The following SMG6 variants were observed in gnomAD, a reference collection of about 807,000 sequenced individuals.
SMG6 encodes SMG6 nonsense mediated mRNA decay factor.
In SMG6, 66 loss-of-function variants were observed where a neutral mutation model predicts 142.2. That is an observed-to-expected ratio of 0.46 (90% confidence interval 0.38 to 0.57). The LOEUF (loss-of-function observed/expected upper bound fraction) is 0.57. Ranked by LOEUF, SMG6 falls within the 20% of genes least tolerant of loss-of-function variation. The probability of loss-of-function intolerance (pLI) is 0.00; values close to 1 mark genes in which losing one functional copy is unlikely to be tolerated. For synonymous variants in SMG6, 779 were observed against 702.4 expected, an observed-to-expected ratio of 1.11 and a Z score of -1.72; for missense variants, 1,793 against 1,832.0, an observed-to-expected ratio of 0.98 and a Z score of 0.39.
chr17:2,183,335 G>C (rs2071865589), intron 12 of SMG6, among the ~76,000 whole-genome samples: 2 of 152,058 alleles, frequency 1.3e-5, no homozygotes, highest in South Asian at 2.1e-4. Flanking sequence ...GATGAATAGT[G>C]AACAGGGCTG....
In SMG6 at chr17:2,300,579, C is replaced by T. The variant is rs762565331; in HGVS notation, c.174G>A (p.Arg58=). 6 of 1,613,880 alleles carry T rather than the reference C, an allele frequency of 3.7e-6. No homozygotes were observed. The African/African-American group carries it at 6.7e-5, about 18-fold the overall frequency. ...DLEIYKPGLS[R]LRNKPKIKEP... ...CCTTGATTTTGGGCTTGTTCCTTAG[C>T]CGAGAAAGGCCAGGCTTATAGATTT... is the stretch of plus-strand genomic sequence containing the variant. Residue 58 remains arginine (R), a synonymous_variant, in exon 2 of 19, where the codon CGG becomes CGA. Coordinates refer to ENST00000263073, the MANE Select transcript of SMG6 (RefSeq NM_017575.5).
chr17:2,084,156 C>A (rs1404383454), intron 14 of SMG6, among the ~76,000 whole-genome samples: 1 of 152,226 alleles, frequency 6.6e-6, no homozygotes, highest in Non-Finnish European at 1.5e-5. Context: ...GGCCACAGGG[C>A]ATCTTTGGGC....
chr17:2,075,192 T>C (rs778133274), intron 15 of SMG6, among the ~76,000 whole-genome samples: 7 of 151,896 alleles, frequency 4.6e-5, no homozygotes, highest in Non-Finnish European at 1.0e-4. Context: ...GCTCTGTGTA[T>C]ACCCCATTGT....
chr17:2,229,995 G>A (rs971462672), intron 10 of SMG6, among the ~76,000 whole-genome samples: 8 of 151,818 alleles, frequency 5.3e-5, no homozygotes, highest in African/African-American at 1.9e-4. Flanking sequence ...AGACCAGCCT[G>A]GCCAATGTGG....
chr17:2,201,149 C>T (rs1367169997), intron 10 of SMG6, among the ~76,000 whole-genome samples: 3 of 152,082 alleles, frequency 2.0e-5, no homozygotes, highest in Middle Eastern at 3.2e-3. Context: ...ACAAAGGACT[C>T]AGAACTGAGG....
At chr17:2,290,648 T>C (rs1234364248) in intron 6 of SMG6, among the ~76,000 whole-genome samples, 2 of 152,176 alleles carry the variant, frequency 1.3e-5, no homozygotes, top group African/African-American at 4.8e-5. Context: ...CAAAAGACAC[T>C]GCTGAAGAAT....
rs554027591 is a variant in SMG6 at position 2,270,925 on chromosome 17, T to C, written c.2661+11722A>G. 1.0e-3 allele frequency among the ~76,000 whole-genome samples: 157 copies of C among 152,290 alleles called. 1 individual carries two copies. The highest frequency in any genetic ancestry group is 1.9e-3 in the Non-Finnish European group (132 of 68,012). ...CATTTCTTGAACTCTCTATGCTCTA[T>C]TCATGTGGCTTGAGAAGTTTCTCTC... On this transcript the variant is annotated intron_variant, in intron 8 of 18. Coordinates refer to ENST00000263073, the MANE Select transcript of SMG6 (RefSeq NM_017575.5).
rs775769481 is a variant in SMG6, at chr17:2,292,583, TA to T, written c.2305del (p.Tyr769IlefsTer25). 3.1e-6 allele frequency: 5 copies of T among 1,614,226 alleles called. No individual in the cohort carries two copies. The highest frequency in any genetic ancestry group is 4.2e-6 in the Non-Finnish European group (5 of 1,180,034). ...QHIAPKNGRP[Y>X]NQLALLAVYT... ...CACTGCCAGCAAAGCCAACTGGTTA[TA>T]GGGGCGCCCATTCTTGGGAGCAATG... On this transcript the variant is annotated frameshift_variant, in exon 6 of 19. Transcript: ENST00000263073. LOFTEE classifies it high-confidence loss of function.
chr17:2,063,146 A>C (rs1385565269), intron 18 of SMG6: 3 of 152,198 alleles, frequency 2.0e-5, no homozygotes, highest in Admixed American at 6.5e-5. Flanking sequence ...CCCAGGCCTT[A>C]GGTCAGCTAA....
chr17:2,275,916 C>A (rs2074638146), intron 8 of SMG6, among the ~76,000 whole-genome samples: 1 of 152,138 alleles, frequency 6.6e-6, no homozygotes, highest in Non-Finnish European at 1.5e-5. Flanking sequence ...CCTCCTGCAA[C>A]CATTCAGAGA....
rs899377060 is a variant in SMG6 at position 2,085,198 on chromosome 17, T to C, written c.3534+527A>G. On this transcript the variant is annotated intron_variant, in intron 14 of 18. Transcript: ENST00000263073. This position sits in a 1 kb window ranked among gnomAD's most constrained non-coding sequence, Gnocchi z 4.1. Reference sequence around the variant, plus strand: ...CACGAGTCTGGAGTGAAGCAAGGGCTACAGGAACAACCAAGGGCAAACAAA... The same window carrying C: ...CACGAGTCTGGAGTGAAGCAAGGGCCACAGGAACAACCAAGGGCAAACAAA... 7.0e-6 allele frequency among the ~76,000 whole-genome samples: 1 copy of C among 143,292 alleles called. No homozygotes were observed. Among genetic ancestry groups the C allele is most frequent in the Non-Finnish European group, 1.5e-5 (1 of 66,660 alleles). 94.0% of individuals were successfully genotyped at this position (143,292 alleles called of 152,430 possible).
At chr17:2,238,576 T>C (rs1280911772) in intron 9 of SMG6, among the ~76,000 whole-genome samples, 1 of 152,208 alleles carries the variant, frequency 6.6e-6, no homozygotes, top group Non-Finnish European at 1.5e-5. Flanking sequence ...TTCACTCTGC[T>C]TGAAAAGCAG....
chr17:2,132,209 T>G (rs2070145589), intron 13 of SMG6, among the ~76,000 whole-genome samples: 1 of 152,202 alleles, frequency 6.6e-6, no homozygotes, highest in Non-Finnish European at 1.5e-5. Flanking sequence ...ACTTCTTTGC[T>G]CTGTATCCCC....
rs946035103 is a variant in SMG6, at chr17:2,236,840, GT to G, written c.2724-204del. The G allele has an allele frequency of 1.4e-5, 18 of 1,286,076 alleles. No homozygotes were observed. The Admixed American group carries it at 5.3e-4, about 38-fold the overall frequency. 79.7% of individuals were successfully genotyped at this position (1,286,076 alleles called of 1,614,324 possible). A position where few individuals can be genotyped will look rare whatever the true frequency, so the allele number is the denominator to read the frequency against. On this transcript the variant is annotated intron_variant, in intron 9 of 18. Transcript: ENST00000263073. ...TTTTGAACAAATTCAAGATAAAGGA[GT>G]TTTCAGGGTCCAGAGATGCAAACAA...
At chr17:2,292,500 T>C (rs1183389952) in intron 6 of SMG6, 52 bp downstream of exon 6, 4 of 1,549,504 alleles carry the variant, frequency 2.6e-6, no homozygotes, top group Non-Finnish European at 3.6e-6. Flanking sequence ...AAACTCCATA[T>C]TGTAAGATAC....
intron 13 of SMG6, among the ~76,000 whole-genome samples, chr17:2,157,551 A>T (rs1273429130): frequency 6.6e-6 from 1 of 152,206 alleles, no homozygotes; most frequent in Non-Finnish European, 1.5e-5. Flanking sequence ...CTTACTAAGT[A>T]CCACCCAACA....
At chr17:2,075,546 GGGCCAGGGCCAGCATGAGGTGCCAAGA>G (rs2068234382) in intron 15 of SMG6, among the ~76,000 whole-genome samples, 1 of 152,226 alleles carries the variant, frequency 6.6e-6, no homozygotes, top group Non-Finnish European at 1.5e-5. Context: ...GGGATTCACA[GGGCCAGGGCCAGCATGAGGTGCCAAGA>G]GGCCACGCCT....
chr17:2,295,903 C>T (rs2075133106), intron 4 of SMG6, among the ~76,000 whole-genome samples: 1 of 152,188 alleles, frequency 6.6e-6, no homozygotes, highest in Non-Finnish European at 1.5e-5. Context: ...CCTCCAATCT[C>T]ATCCCTCACA....
Position 2,299,054 on chromosome 17 carries a change from C to T in SMG6, c.1699G>A (p.Glu567Lys), listed in dbSNP as rs144594724. The stretch of plus-strand genomic sequence containing the variant: ...TTCCTCATGTGCTGCTCTACCTCCT[C>T]GGGACTCATGGTGCTGGTAGGTAGA... ...SPLPTSTMSP[E>K]EVEQHMRNLQ... The change falls in exon 2 of 19, where the codon GAG becomes AAG. Residue 567 changes from glutamate (E) to lysine (K), a missense_variant. Transcript: ENST00000263073. The surrounding 1 kb of genome is among the most constrained non-coding windows in gnomAD (Gnocchi z 4.3). 1.9e-5 allele frequency: 31 copies of T among 1,614,054 alleles called. No homozygotes were observed. The highest frequency in any genetic ancestry group is 1.2e-4 in the Admixed American group (7 of 59,998).
Sources: allele counts gnomAD v4.1 joint callset (sites outside exome capture counted in the v4.1 genomes callset), GRCh38; gene constraint gnomAD v4.1.1; non-coding constraint Gnocchi (gnomAD v3.1); transcripts MANE v1.5; gene names NCBI Gene and HGNC (gene_info 2026-07-23, HGNC 2026-07-21).